The following CLYBL variants were observed in gnomAD, a reference collection of about 807,000 sequenced individuals.
The protein encoded by CLYBL is citramalyl-CoA lyase.
In CLYBL, 31 loss-of-function variants were observed where a neutral mutation model predicts 38.9. The ratio of observed to expected loss-of-function variants is 0.80; its 90% CI spans 0.60 to 1.08. The LOEUF (loss-of-function observed/expected upper bound fraction) is 1.08, where lower values mean the gene tolerates loss of function less well. Ranked by LOEUF, CLYBL falls within the 50% of genes least tolerant of loss-of-function variation. The pLI is 0.00. For missense variants in CLYBL, 434 were observed against 411.6 expected, an observed-to-expected ratio of 1.05 and a Z score of -0.47; for synonymous variants, 171 against 158.6, an observed-to-expected ratio of 1.08 and a Z score of -0.59.
chr13:99,679,304 A>AAAAAAAAG (rs1555351594), intron 1 of CLYBL, among the ~76,000 whole-genome samples: 1 of 137,740 alleles, frequency 7.3e-6, no homozygotes, highest in Non-Finnish European at 1.5e-5. Context: ...AAAAAAAAAA[A>AAAAAAAAG]AAAAGAAAAG....
At chr13:99,679,264 AG>A (rs1328842051) in intron 1 of CLYBL, among the ~76,000 whole-genome samples, 2 of 147,816 alleles carry the variant, frequency 1.4e-5, no homozygotes, top group Non-Finnish European at 3.0e-5. Flanking sequence ...ACAGCACTCC[AG>A]CCTGGGCGAC....
intron 7 of CLYBL, chr13:99,877,522 C>G (rs1203381899): frequency 2.8e-5 from 8 of 282,834 alleles, no homozygotes; most frequent in South Asian, 2.3e-4. Context: ...TCAGAGCATT[C>G]TTTTATTTAT....
At chr13:99,886,339 G>A (rs1346129376) in intron 7 of CLYBL, among the ~76,000 whole-genome samples, 2 of 152,248 alleles carry the variant, frequency 1.3e-5, no homozygotes, top group South Asian at 2.1e-4. Context: ...TCCCATAGAT[G>A]TGATTACTAT....
Position 99,770,076 on chromosome 13 carries a change from C to CTTTTTTTT in CLYBL, c.63-2745_63-2744insTTTTTTTT, listed in dbSNP as rs68172402. Among the ~76,000 whole-genome samples, 2 of 121,962 alleles carry CTTTTTTTT rather than the reference C, an allele frequency of 1.6e-5. 1 individual carries two copies. Among genetic ancestry groups the CTTTTTTTT allele is most frequent in the African/African-American group, 5.5e-5 (2 of 36,220 alleles). 80.0% of individuals were successfully genotyped at this position (121,962 alleles called of 152,430 possible). A position where few individuals can be genotyped will look rare whatever the true frequency, so the allele number is the denominator to read the frequency against. ...TTTAACTTTTCTTTCTTTTTCTTTTCTTTCTTTTTTTTTTTTTTTTTGAGA... is the reference window on the plus strand; with the variant it reads ...TTTAACTTTTCTTTCTTTTTCTTTTCTTTTTTTTTTTCTTTTTTTTTTTTTTTTTGAGA... On this transcript the variant is annotated intron_variant, in intron 1 of 8. Coordinates refer to ENST00000339105, the MANE Select transcript of CLYBL (RefSeq NM_206808.5).
At chr13:99,751,325 A>C (rs987900641) in intron 1 of CLYBL, among the ~76,000 whole-genome samples, 10 of 151,750 alleles carry the variant, frequency 6.6e-5, no homozygotes, top group African/African-American at 2.4e-4. Context: ...GGTTCAAGTG[A>C]TTCTCCTGCC....
chr13:99,795,738 C>T lies in CLYBL; in HGVS notation c.249+22728C>T, dbSNP rs112644250. On this transcript the variant is annotated intron_variant, in intron 2 of 8. Coordinates refer to ENST00000339105, the MANE Select transcript of CLYBL (RefSeq NM_206808.5). ...AGAGAAAGATGAGCCAGGTGCTGGC[C>T]GGAGATAAAAGGCCAGCTTTGTCTT... 7.8e-4 allele frequency among the ~76,000 whole-genome samples: 118 copies of T among 152,218 alleles called. 1 individual carries two copies. Among genetic ancestry groups the T allele is most frequent in the African/African-American group, 2.7e-3 (111 of 41,530 alleles).
At chr13:99,807,101 A>C (rs959376320) in intron 2 of CLYBL, among the ~76,000 whole-genome samples, 4 of 152,150 alleles carry the variant, frequency 2.6e-5, no homozygotes, top group African/African-American at 9.7e-5. Context: ...TCAAGGAGGA[A>C]AGTAGCCTCC....
chr13:99,634,489 A>G (rs1424691491), intron 1 of CLYBL, among the ~76,000 whole-genome samples: 3 of 152,164 alleles, frequency 2.0e-5, no homozygotes, highest in African/African-American at 7.2e-5. Context: ...ATAATAATAA[A>G]TATTTATATA....
intron 1 of CLYBL, among the ~76,000 whole-genome samples, chr13:99,713,615 C>T (rs961270642): frequency 2.0e-5 from 3 of 152,126 alleles, no homozygotes; most frequent in Non-Finnish European, 2.9e-5. Context: ...GCTGGGATTA[C>T]AGGCATGAGC....
rs575326346 is a variant in CLYBL at position 99,737,064 on chromosome 13, A to C, written c.63-35760A>C. 2.6e-5 allele frequency among the ~76,000 whole-genome samples: 4 copies of C among 152,334 alleles called. No homozygotes were observed. In the East Asian group the frequency reaches 7.7e-4, roughly 29 times the overall value. ...TAACATTATTTTAGTGCTGATTAAA[A>C]ATTCACAGATAAGCCCAAATTTATA... is the stretch of plus-strand genomic sequence containing the variant. On this transcript the variant is annotated intron_variant, in intron 1 of 8. Transcript: ENST00000339105.
intron 2 of CLYBL, among the ~76,000 whole-genome samples, chr13:99,857,024 C>T (rs1227158193): frequency 4.0e-5 from 6 of 151,684 alleles, no homozygotes; most frequent in African/African-American, 9.7e-5. Context: ...TTAAGATTTT[C>T]GTATTTAGGG....
intron 2 of CLYBL, among the ~76,000 whole-genome samples, chr13:99,815,547 C>T (rs1339453241): frequency 2.6e-5 from 4 of 152,068 alleles, no homozygotes; most frequent in Admixed American, 6.5e-5. Context: ...ATGGCGCCAC[C>T]GCATTCCAGC....
intron 1 of CLYBL, among the ~76,000 whole-genome samples, chr13:99,658,882 A>T (rs906990177): frequency 2.0e-5 from 3 of 152,082 alleles, no homozygotes; most frequent in Non-Finnish European, 4.4e-5. Flanking sequence ...AAGCCTATTA[A>T]TTTTTCAGGC....
chr13:99,860,782 G>T (rs932322868), intron 3 of CLYBL, among the ~76,000 whole-genome samples: 1 of 152,190 alleles, frequency 6.6e-6, no homozygotes, highest in Non-Finnish European at 1.5e-5. Context: ...GTATTTATGC[G>T]AAGCATAAAA....
chr13:99,682,230 A>T (rs1210678632), intron 1 of CLYBL, among the ~76,000 whole-genome samples: 1 of 150,732 alleles, frequency 6.6e-6, no homozygotes, highest in Non-Finnish European at 1.5e-5. Flanking sequence ...TGCGTCCTCC[A>T]CCTCCTGGGT....
chr13:99,853,011 T>G lies in CLYBL; in HGVS notation c.250-5850T>G, dbSNP rs189989853. ...AGTTCAATATTTGTTTACAGTTCTC[T>G]TTGTGTTTTTGAGGTGAAATTTATA... On this transcript the variant is annotated intron_variant, in intron 2 of 8. Transcript: ENST00000339105. Among the ~76,000 whole-genome samples, 28 of 152,336 alleles carry G rather than the reference T, an allele frequency of 1.8e-4. No homozygotes were observed. In the East Asian group the frequency reaches 5.2e-3, roughly 28 times the overall value.
chr13:99,832,542 G>A (rs1307101879), intron 2 of CLYBL, among the ~76,000 whole-genome samples: 1 of 152,086 alleles, frequency 6.6e-6, no homozygotes, highest in Non-Finnish European at 1.5e-5. Context: ...CTGGGTGTGG[G>A]GTTGAACCAG....
At chr13:99,815,408 T>C (rs1392232768) in intron 2 of CLYBL, among the ~76,000 whole-genome samples, 1 of 151,916 alleles carries the variant, frequency 6.6e-6, no homozygotes, top group Non-Finnish European at 1.5e-5. Flanking sequence ...AAGAAAAAAA[T>C]TAGCCAGATG....
intron 2 of CLYBL, among the ~76,000 whole-genome samples, chr13:99,824,747 A>G (rs1234605535): frequency 1.3e-5 from 2 of 152,208 alleles, no homozygotes; most frequent in Non-Finnish European, 2.9e-5. Flanking sequence ...CCATCAAAAA[A>G]TATTTTCTGC....
Sources: allele counts gnomAD v4.1 joint callset (sites outside exome capture counted in the v4.1 genomes callset), GRCh38; gene constraint gnomAD v4.1.1; transcripts MANE v1.5; gene names NCBI Gene and HGNC (gene_info 2026-07-23, HGNC 2026-07-21).